Variants in ROBO2 observed in about 807,000 individuals in gnomAD.
ROBO2 encodes the protein roundabout homolog 2.
ROBO2 carries 53 observed loss-of-function variants against 160.8 expected under a neutral mutation model. The observed-to-expected ratio is 0.33, with a 90% CI of 0.26 to 0.41. ROBO2 has a LOEUF of 0.41. ROBO2 is among the 10% of genes least tolerant of loss of function. The probability of loss-of-function intolerance (pLI) is 1.00; values close to 1 mark genes in which losing one functional copy is unlikely to be tolerated. For synonymous variants in ROBO2, 664 were observed against 611.7 expected (o/e 1.09, Z -1.26); for missense variants, 1,577 against 1,722.4 (o/e 0.92, Z 1.49).
intron 12 of ROBO2, among the ~76,000 whole-genome samples, chr3:77,567,220 T>G (rs1020867202): frequency 2.6e-5 from 4 of 152,042 alleles, no homozygotes; most frequent in African/African-American, 7.2e-5. Context: ...GCGAGAGTGC[T>G]GCATGCATTG....
intron 5 of ROBO2, among the ~76,000 whole-genome samples, chr3:77,501,781 T>C (rs1397640823): frequency 6.6e-6 from 1 of 152,190 alleles, no homozygotes; most frequent in Non-Finnish European, 1.5e-5. Flanking sequence ...TGTGTATCTA[T>C]TATCCAGTGA....
intron 2 of ROBO2, among the ~76,000 whole-genome samples, chr3:77,116,116 C>T (rs1035109304): frequency 6.6e-6 from 1 of 152,184 alleles, no homozygotes; most frequent in African/African-American, 2.4e-5. Flanking sequence ...CTTTGTGCAC[C>T]TCCACGAATC....
intron 2 of ROBO2, among the ~76,000 whole-genome samples, chr3:76,506,963 G>A (rs1275130085): frequency 6.6e-6 from 1 of 152,100 alleles, no homozygotes; most frequent in Admixed American, 6.5e-5. Context: ...ATGATGTTAA[G>A]TTTATGAACT....
At chr3:77,387,151 C>G (rs2074213541) in intron 2 of ROBO2, among the ~76,000 whole-genome samples, 1 of 151,624 alleles carries the variant, frequency 6.6e-6, no homozygotes, top group African/African-American at 2.4e-5. Flanking sequence ...CCCATTTTTA[C>G]ACCAAATATC....
Position 76,688,659 on chromosome 3 carries a change from G to A in ROBO2, c.110-409355G>A, listed in dbSNP as rs565457139. The stretch of plus-strand genomic sequence containing the variant: ...AGAAACCAAGAACAGCGCAGTCCTA[G>A]TCCTTTGAAGTTATTTGTTAAATAT... On this transcript the variant is annotated intron_variant, in intron 2 of 26. Coordinates refer to the ROBO2 transcript ENST00000487694. Among the ~76,000 whole-genome samples the A allele has an allele frequency of 3.3e-5, 5 of 151,580 alleles. No individual in the cohort carries two copies. In the East Asian group the frequency reaches 9.7e-4, roughly 29 times the overall value.
At chr3:76,035,693 A>C (rs2067083777) in intron 2 of ROBO2, among the ~76,000 whole-genome samples, 1 of 152,080 alleles carries the variant, frequency 6.6e-6, no homozygotes, top group Non-Finnish European at 1.5e-5. Context: ...TATTGCACCG[A>C]GTATGTTTTG....
chr3:76,812,043 G>A (rs2065237609), intron 2 of ROBO2, among the ~76,000 whole-genome samples: 1 of 151,486 alleles, frequency 6.6e-6, no homozygotes, highest in Non-Finnish European at 1.5e-5. Context: ...GCTAATTTTT[G>A]TATTTTTAGT....
intron 2 of ROBO2, among the ~76,000 whole-genome samples, chr3:76,684,503 T>C (rs148868039): frequency 2.3e-3 from 344 of 152,260 alleles, no homozygotes; most frequent in African/African-American, 8.1e-3. Context: ...TAGTAAATTT[T>C]AGTGCAGAGA....
intron 2 of ROBO2, among the ~76,000 whole-genome samples, chr3:77,349,337 A>G (rs1400239353): frequency 1.3e-5 from 2 of 152,126 alleles, no homozygotes; most frequent in East Asian, 1.9e-4. Context: ...AGATTAAACC[A>G]AAACTCAATT....
intron 2 of ROBO2, among the ~76,000 whole-genome samples, chr3:76,430,501 T>A (rs2076393726): frequency 1.3e-5 from 2 of 152,080 alleles, no homozygotes; most frequent in South Asian, 4.2e-4. Flanking sequence ...TTTTCTTCTA[T>A]TTTTTTAAAG....
intron 2 of ROBO2, among the ~76,000 whole-genome samples, chr3:77,385,047 T>A (rs1472937467): frequency 6.6e-6 from 1 of 152,192 alleles, no homozygotes; most frequent in African/African-American, 2.4e-5. Context: ...TCTGTTTTTG[T>A]TTTAGACGGA....
intron 2 of ROBO2, among the ~76,000 whole-genome samples, chr3:76,026,604 A>G (rs574655731): frequency 6.6e-6 from 1 of 151,998 alleles, no homozygotes; most frequent in Non-Finnish European, 1.5e-5. Context: ...GCAATATGGT[A>G]TGTACTATTG....
At chr3:77,299,109 G>C (rs1450414508) in intron 2 of ROBO2, among the ~76,000 whole-genome samples, 1 of 152,174 alleles carries the variant, frequency 6.6e-6, no homozygotes, top group Non-Finnish European at 1.5e-5. Flanking sequence ...GAGGGAAAAA[G>C]AGAAGCATGA....
At chr3:76,167,639 A>C (rs919808655) in intron 2 of ROBO2, among the ~76,000 whole-genome samples, 8 of 152,186 alleles carry the variant, frequency 5.3e-5, no homozygotes, top group Admixed American at 5.2e-4. Context: ...TTCAGTTATA[A>C]GTTAGCACCT....
At chr3:76,935,801 G>GTCT (rs2077661302) in intron 2 of ROBO2, among the ~76,000 whole-genome samples, 1 of 152,124 alleles carries the variant, frequency 6.6e-6, no homozygotes, top group Non-Finnish European at 1.5e-5. Flanking sequence ...TTTTGCCTGT[G>GTCT]TCTTCACCTG....
intron 2 of ROBO2, among the ~76,000 whole-genome samples, chr3:76,719,194 A>C (rs1306301672): frequency 6.6e-6 from 1 of 152,210 alleles, no homozygotes; most frequent in Non-Finnish European, 1.5e-5. Flanking sequence ...GAAACTGTGC[A>C]CCTTACACAT....
At chr3:76,558,767 CG>C (rs1280578487) in intron 2 of ROBO2, among the ~76,000 whole-genome samples, 7 of 151,886 alleles carry the variant, frequency 4.6e-5, no homozygotes, top group Non-Finnish European at 1.0e-4. Flanking sequence ...ATTGAACAAT[CG>C]TTAGTATTAC....
At chr3:76,017,672 C>T (rs1402658594) in intron 2 of ROBO2, among the ~76,000 whole-genome samples, 2 of 151,866 alleles carry the variant, frequency 1.3e-5, no homozygotes, top group African/African-American at 2.4e-5. Flanking sequence ...ATATACATAC[C>T]AATCACACAC....
At chr3:77,436,321 A>G (rs1302507024) in intron 2 of ROBO2, among the ~76,000 whole-genome samples, 1 of 143,426 alleles carries the variant, frequency 7.0e-6, no homozygotes, top group East Asian at 2.1e-4. Context: ...ATATGCATAT[A>G]CAATACATTA....
Sources: allele counts gnomAD v4.1 joint callset (sites outside exome capture counted in the v4.1 genomes callset), GRCh38; gene constraint gnomAD v4.1.1; transcripts MANE v1.5; gene names NCBI Gene and HGNC (gene_info 2026-07-23, HGNC 2026-07-21).